LVRN: variants seen among roughly 807,000 people sequenced by gnomAD.
LVRN encodes laeverin.
LVRN carries 99 observed loss-of-function variants against 111.4 expected under a neutral mutation model. The observed-to-expected ratio is 0.89, with a 90% confidence interval of 0.76 to 1.05. The LOEUF (loss-of-function observed/expected upper bound fraction) is 1.05. Among genes scored for constraint, LVRN ranks in the 50% least tolerant of loss-of-function variants. LVRN has a pLI of 0.00. For synonymous variants in LVRN, 488 were observed against 449.5 expected (o/e 1.09, Z -1.08); for missense variants, 1,414 against 1,206.8 (o/e 1.17, Z -2.54).
intron 1 of LVRN, among the ~76,000 whole-genome samples, chr5:115,979,645 T>G (rs955016801): frequency 2.0e-5 from 3 of 152,186 alleles, no homozygotes; most frequent in Admixed American, 1.3e-4. Context: ...GGTGAAAACT[T>G]CAGTTTTCAG....
chr5:115,978,773 C>T (rs893256632), intron 1 of LVRN, among the ~76,000 whole-genome samples: 3 of 152,026 alleles, frequency 2.0e-5, no homozygotes, highest in African/African-American at 7.2e-5. Flanking sequence ...TCTTCTTTGC[C>T]TATCTTGATA....
chr5:116,007,030 T>A (rs1255524116), intron 13 of LVRN, among the ~76,000 whole-genome samples: 1 of 152,184 alleles, frequency 6.6e-6, no homozygotes, highest in African/African-American at 2.4e-5. Context: ...CCAAGTCCTA[T>A]CTCTTCATTC....
chr5:115,987,978 G>C, intron 4 of LVRN, 39 bp downstream of exon 4: 1 of 1,592,286 alleles, frequency 6.3e-7, no homozygotes, highest in Non-Finnish European at 8.5e-7. Flanking sequence ...TTGGTTTCCT[G>C]TTATTTGGGC....
chr5:115,971,517 G>A (rs997755605), intron 1 of LVRN, among the ~76,000 whole-genome samples: 1 of 152,076 alleles, frequency 6.6e-6, no homozygotes, highest in African/African-American at 2.4e-5. Context: ...ATGGATTAAA[G>A]AGTTTTTTTG....
At chr5:116,015,858 C>A in intron 18 of LVRN, 93 bp downstream of exon 18, 1 of 1,460,368 alleles carries the variant, frequency 6.8e-7, no homozygotes, top group South Asian at 1.4e-5. Flanking sequence ...CAGCTTTAGT[C>A]TAGCTAGGCC....
chr5:116,012,753 A>G (rs1748518487), intron 15 of LVRN, among the ~76,000 whole-genome samples: 1 of 152,204 alleles, frequency 6.6e-6, no homozygotes, highest in Non-Finnish European at 1.5e-5. Flanking sequence ...AATGTGTCCT[A>G]CTATTGGTGA....
At chr5:115,978,161 T>G (rs1412672718) in intron 1 of LVRN, among the ~76,000 whole-genome samples, 2 of 152,102 alleles carry the variant, frequency 1.3e-5, no homozygotes, top group African/African-American at 4.8e-5. Context: ...AGAGAGAAAT[T>G]TGAGCAGTAT....
chr5:115,964,209 C>T (rs567620658), intron 1 of LVRN, among the ~76,000 whole-genome samples: 2 of 152,188 alleles, frequency 1.3e-5, no homozygotes, highest in Non-Finnish European at 2.9e-5. Flanking sequence ...TGTCCACTCA[C>T]ACACTGGTGG....
At chr5:115,967,052 T>G (rs778740513) in intron 1 of LVRN, among the ~76,000 whole-genome samples, 1 of 152,224 alleles carries the variant, frequency 6.6e-6, no homozygotes, top group South Asian at 2.1e-4. Flanking sequence ...TTTTGTGAGA[T>G]ATATATGGTT....
At chr5:115,981,140 A>G (rs1753551712) in intron 1 of LVRN, among the ~76,000 whole-genome samples, 1 of 152,134 alleles carries the variant, frequency 6.6e-6, no homozygotes, top group Admixed American at 6.5e-5. Flanking sequence ...ACTTTGTCCA[A>G]TCCCCTTAAA....
intron 4 of LVRN, among the ~76,000 whole-genome samples, chr5:115,988,764 C>A (rs528194307): frequency 6.6e-6 from 1 of 152,058 alleles, no homozygotes; most frequent in African/African-American, 2.4e-5. Context: ...GGAAACCAGC[C>A]TCGGCCCATT....
intron 1 of LVRN, among the ~76,000 whole-genome samples, chr5:115,963,722 A>G (rs1753142670): frequency 6.6e-6 from 1 of 152,162 alleles, no homozygotes; most frequent in Non-Finnish European, 1.5e-5. Flanking sequence ...AAAGCCAGAC[A>G]GAGTGCGAGC....
intron 18 of LVRN, among the ~76,000 whole-genome samples, chr5:116,017,366 C>T (rs890744681): frequency 2.0e-5 from 3 of 152,166 alleles, no homozygotes; most frequent in Admixed American, 6.5e-5. Context: ...TAACTGGTGT[C>T]GTATGTGAAG....
chr5:116,013,601 C>G (rs963941963), intron 15 of LVRN, among the ~76,000 whole-genome samples: 11 of 152,080 alleles, frequency 7.2e-5, no homozygotes, highest in African/African-American at 4.8e-5. Flanking sequence ...AGAACTGTCT[C>G]TCAGCGGACC....
At chr5:115,982,463 G>T (rs796695421) in intron 1 of LVRN, among the ~76,000 whole-genome samples, 8 of 152,242 alleles carry the variant, frequency 5.3e-5, no homozygotes, top group African/African-American at 1.9e-4. Context: ...ATCTAAAGAC[G>T]GGTTCCCAGG....
intron 19 of LVRN, chr5:116,023,733 C>G (rs1748804927): frequency 3.3e-5 from 5 of 152,196 alleles, no homozygotes; most frequent in Admixed American, 3.3e-4. Context: ...ACAACCTCTA[C>G]ACACCCAGTA....
Position 116,015,380 on chromosome 5 carries a change from A to T in LVRN, c.2579A>T (p.Tyr860Phe), listed in dbSNP as rs1375095178. ...AAAGAAGAAAAGATTCAACTTGCTT[A>T]TGCAATGAGCTGCAGCAAAGACCCA... ...TNKEEKIQLA[Y>F]AMSCSKDPWI... Residue 860 changes from tyrosine (Y) to phenylalanine (F), a missense_variant, in exon 17 of 20, where the codon TAT becomes TTT. By Grantham distance (22) the Tyr-to-Phe change is conservative (BLOSUM62 3). Coordinates refer to ENST00000357872, the MANE Select transcript of LVRN (RefSeq NM_173800.5). The T allele has an allele frequency of 3.3e-6, 5 of 1,511,326 alleles. No individual in the cohort carries two copies. The highest frequency in any genetic ancestry group is 3.6e-6 in the Non-Finnish European group (4 of 1,120,214). The allele number at this position is 1,511,326 out of a possible 1,614,324, so 93.6% of individuals were successfully genotyped here. A position where few individuals can be genotyped will look rare whatever the true frequency, so the allele number is the denominator to read the frequency against.
chr5:116,008,062 C>A (rs1748414153), intron 13 of LVRN, among the ~76,000 whole-genome samples: 2 of 152,172 alleles, frequency 1.3e-5, no homozygotes, highest in Non-Finnish European at 2.9e-5. Flanking sequence ...GAAATTAGGG[C>A]CGGGTGTGGT....
chr5:116,002,710 T>A, intron 10 of LVRN, 125 bp from the exon 11 acceptor site: 1 of 679,606 alleles, frequency 1.5e-6, no homozygotes, highest in Non-Finnish European at 2.4e-6. Context: ...AAGGCCTGCA[T>A]ATCTAGAGAG....
Sources: gnomAD v4.1 joint callset for allele counts (sites outside exome capture counted in the v4.1 genomes callset) on GRCh38, gnomAD v4.1.1 for gene constraint, MANE v1.5 for transcripts, NCBI Gene and HGNC (gene_info 2026-07-23, HGNC 2026-07-21) for gene names.